Variants in C10orf90 observed in about 807,000 individuals in gnomAD.
C10orf90 encodes chromosome 10 open reading frame 90, also known as (E2-independent) E3 ubiquitin-conjugating enzyme FATS.
Under a neutral mutation model 62.5 loss-of-function variants are expected in C10orf90, and 56 were observed. That is an observed-to-expected ratio of 0.90 (90% CI 0.72 to 1.12). The LOEUF (loss-of-function observed/expected upper bound fraction) is 1.12. Ranked by LOEUF, C10orf90 falls within the 50% of genes most tolerant of loss-of-function variation. The pLI is 0.00. For synonymous variants in C10orf90, 386 were observed against 340.4 expected (o/e 1.13, Z -1.47); for missense variants, 970 against 880.4 (o/e 1.10, Z -1.29).
At position 126,436,674 on chromosome 10, in the gene C10orf90, T is replaced by G. The variant is rs534848875; in HGVS notation, c.2189-6824A>C. ...CAGAATCATTTTTTAAAAACTTTTCTTTTTTGAGCCAGGGTCTCACTCTGT... is the reference window on the plus strand; with the variant it reads ...CAGAATCATTTTTTAAAAACTTTTCGTTTTTGAGCCAGGGTCTCACTCTGT... On this transcript the variant is annotated intron_variant, in intron 7 of 9. Coordinates refer to ENST00000488181, the MANE Select transcript of C10orf90 (RefSeq NM_001350921.2). Among the ~76,000 whole-genome samples the G allele has an allele frequency of 9.2e-5, 14 of 152,264 alleles. No individual in the cohort carries two copies. The South Asian group carries it at 2.7e-3, about 29-fold the overall frequency.
At chr10:126,534,610 C>T (rs1864185361) in intron 2 of C10orf90, among the ~76,000 whole-genome samples, 1 of 152,128 alleles carries the variant, frequency 6.6e-6, no homozygotes, top group South Asian at 2.1e-4. Flanking sequence ...ACAGAAAAAG[C>T]TCTCCCATAT....
intron 2 of C10orf90, among the ~76,000 whole-genome samples, chr10:126,628,141 C>T (rs1280077558): frequency 6.6e-6 from 1 of 152,212 alleles, no homozygotes; most frequent in Non-Finnish European, 1.5e-5. Flanking sequence ...TGGATTCCAG[C>T]CCTACCAGGC....
chr10:126,530,215 A>G (rs1458852424), intron 2 of C10orf90, among the ~76,000 whole-genome samples: 1 of 152,188 alleles, frequency 6.6e-6, no homozygotes, highest in Non-Finnish European at 1.5e-5. Flanking sequence ...TATGCACATT[A>G]ACATGGATGA....
chr10:126,447,661 C>T (rs549738368), intron 7 of C10orf90, among the ~76,000 whole-genome samples: 1 of 152,210 alleles, frequency 6.6e-6, no homozygotes, highest in East Asian at 1.9e-4. Context: ...TGGACTTAAA[C>T]GATACATCCA....
At chr10:126,465,877 G>A (rs1398081183) in intron 4 of C10orf90, among the ~76,000 whole-genome samples, 1 of 152,188 alleles carries the variant, frequency 6.6e-6, no homozygotes, top group African/African-American at 2.4e-5. Context: ...AAAGCAAAAT[G>A]CAGGACAGTG....
chr10:126,619,289 C>A (rs144889901), intron 2 of C10orf90, among the ~76,000 whole-genome samples: 1 of 152,162 alleles, frequency 6.6e-6, no homozygotes, highest in Non-Finnish European at 1.5e-5. Context: ...CACATAGGCA[C>A]GTATTCCTGT....
At chr10:126,609,211 T>C (rs996173688) in intron 2 of C10orf90, among the ~76,000 whole-genome samples, 8 of 152,170 alleles carry the variant, frequency 5.3e-5, no homozygotes, top group African/African-American at 1.9e-4. Flanking sequence ...AAGACCAGCT[T>C]GGCCAACATG....
chr10:126,522,437 G>T (rs772714175), intron 2 of C10orf90, among the ~76,000 whole-genome samples: 3 of 152,156 alleles, frequency 2.0e-5, no homozygotes, highest in Non-Finnish European at 2.9e-5. Flanking sequence ...TTATCTCCTG[G>T]GATAAAGCCT....
At chr10:126,570,656 A>C (rs1306123856) in intron 2 of C10orf90, among the ~76,000 whole-genome samples, 3 of 152,218 alleles carry the variant, frequency 2.0e-5, no homozygotes, top group Admixed American at 6.5e-5. Context: ...ACTATTTCTT[A>C]GCCTCACTGA....
chr10:126,454,994 G>A (rs558372684), intron 7 of C10orf90, among the ~76,000 whole-genome samples: 1 of 151,970 alleles, frequency 6.6e-6, no homozygotes, highest in African/African-American at 2.4e-5. Context: ...TGGCATGCCT[G>A]GGTGTCAGCC....
chr10:126,606,695 G>A (rs774864593), intron 2 of C10orf90, among the ~76,000 whole-genome samples: 15 of 152,174 alleles, frequency 9.9e-5, no homozygotes, highest in Non-Finnish European at 1.5e-4. Context: ...GTGGGGCCCC[G>A]GATGAAAGTA....
chr10:126,507,957 T>G (rs1005761171), intron 3 of C10orf90, among the ~76,000 whole-genome samples: 2 of 151,978 alleles, frequency 1.3e-5, no homozygotes, highest in African/African-American at 4.8e-5. Flanking sequence ...TAAATTTAGT[T>G]CTGATCATAA....
chr10:126,508,628 T>C (rs1862911277), intron 3 of C10orf90, among the ~76,000 whole-genome samples: 1 of 152,144 alleles, frequency 6.6e-6, no homozygotes, highest in African/African-American at 2.4e-5. Flanking sequence ...TTCTTCTGCA[T>C]GGATATGGTG....
intron 2 of C10orf90, among the ~76,000 whole-genome samples, chr10:126,609,938 C>A (rs934002621): frequency 2.6e-5 from 4 of 152,152 alleles, no homozygotes; most frequent in Admixed American, 2.6e-4. Context: ...CCTGGGTAGA[C>A]CTATTAAGGC....
intron 2 of C10orf90, chr10:126,523,460 T>A (rs1166929870): frequency 1.4e-5 from 2 of 141,468 alleles, no homozygotes; most frequent in African/African-American, 2.7e-5. Flanking sequence ...AAGGAATCCC[T>A]GTCTTGGAAG....
chr10:126,523,986 G>A (rs1327216625), intron 2 of C10orf90, among the ~76,000 whole-genome samples: 1 of 152,166 alleles, frequency 6.6e-6, no homozygotes, highest in Non-Finnish European at 1.5e-5. Flanking sequence ...GTGGACACTA[G>A]TCACCGCTTA....
intron 2 of C10orf90, among the ~76,000 whole-genome samples, chr10:126,619,290 G>A (rs1367551921): frequency 2.6e-5 from 4 of 152,140 alleles, no homozygotes; most frequent in East Asian, 1.9e-4. Flanking sequence ...ACATAGGCAC[G>A]TATTCCTGTC....
At chr10:126,614,541 C>T (rs1182734378) in intron 2 of C10orf90, among the ~76,000 whole-genome samples, 1 of 152,062 alleles carries the variant, frequency 6.6e-6, no homozygotes, top group Non-Finnish European at 1.5e-5. Context: ...GATTGAGGTG[C>T]CATGTGGGGG....
At chr10:126,502,069 CACCACACACACACACCACACA>C (rs1862428401) in intron 4 of C10orf90, among the ~76,000 whole-genome samples, 1 of 148,480 alleles carries the variant, frequency 6.7e-6, no homozygotes, top group East Asian at 2.0e-4. Flanking sequence ...CGCACACACA[CACCACACACACACACCACACA>C]ACCACACACA....
Sources: gnomAD v4.1 joint callset for allele counts (sites outside exome capture counted in the v4.1 genomes callset) on GRCh38, gnomAD v4.1.1 for gene constraint, MANE v1.5 for transcripts, NCBI Gene and HGNC (gene_info 2026-07-23, HGNC 2026-07-21) for gene names.